FRAS1: variants seen among roughly 807,000 people sequenced by gnomAD.
FRAS1 encodes the protein extracellular matrix organizing protein FRAS1.
A neutral mutation model predicts 435.2 loss-of-function variants in FRAS1; 290 were observed. That is an observed-to-expected ratio of 0.67 (90% CI 0.61 to 0.73). The LOEUF is 0.73. Ranked by LOEUF, FRAS1 falls within the 30% of genes least tolerant of loss-of-function variation. The pLI is 0.00. For missense variants in FRAS1, 4,860 were observed against 5,001.5 expected (o/e 0.97, Z 0.85); for synonymous variants, 1,800 against 1,851.0 (o/e 0.97, Z 0.71).
chr4:78,259,527 G>A (rs925255817), intron 6 of FRAS1, among the ~76,000 whole-genome samples: 6 of 151,880 alleles, frequency 4.0e-5, no homozygotes, highest in African/African-American at 1.5e-4. Flanking sequence ...GTCTGTTCAT[G>A]TCCTTCGCTC....
At chr4:78,147,112 T>C (rs994985836) in intron 2 of FRAS1, among the ~76,000 whole-genome samples, 1 of 152,170 alleles carries the variant, frequency 6.6e-6, no homozygotes, top group African/African-American at 2.4e-5. Context: ...CCCTGTCTTA[T>C]ATTATGTGTT....
intron 2 of FRAS1, among the ~76,000 whole-genome samples, chr4:78,200,145 T>A (rs563725481): frequency 3.5e-4 from 53 of 152,348 alleles, no homozygotes; most frequent in African/African-American, 1.1e-3. Context: ...TGGAGTCATG[T>A]GGATCTGATA....
At chr4:78,103,592 G>A (rs1488192301) in intron 2 of FRAS1, among the ~76,000 whole-genome samples, 4 of 152,126 alleles carry the variant, frequency 2.6e-5, no homozygotes, top group African/African-American at 7.2e-5. Flanking sequence ...CTAAGGTAAC[G>A]GTTTTAGAAA....
intron 29 of FRAS1, among the ~76,000 whole-genome samples, chr4:78,395,235 A>C (rs1446695962): frequency 6.6e-6 from 1 of 151,930 alleles, no homozygotes; most frequent in East Asian, 1.9e-4. Flanking sequence ...ACTTGATATG[A>C]TTTCAGTGTT....
At chr4:78,191,463 A>G (rs1722528852) in intron 2 of FRAS1, among the ~76,000 whole-genome samples, 1 of 152,170 alleles carries the variant, frequency 6.6e-6, no homozygotes, top group Non-Finnish European at 1.5e-5. Context: ...AATATATTAC[A>G]GTAACGTGAA....
intron 49 of FRAS1, among the ~76,000 whole-genome samples, chr4:78,465,605 T>A (rs945751502): frequency 2.6e-5 from 4 of 152,110 alleles, no homozygotes; most frequent in African/African-American, 7.2e-5. Context: ...GTAGCAAAGG[T>A]GGCAAGAGGC....
At chr4:78,185,526 T>C (rs1722232905) in intron 2 of FRAS1, among the ~76,000 whole-genome samples, 1 of 152,202 alleles carries the variant, frequency 6.6e-6, no homozygotes, top group African/African-American at 2.4e-5. Context: ...TAGAGAAGAT[T>C]TGAATATGAG....
chr4:78,115,626 T>G lies in FRAS1; in HGVS notation c.108+49610T>G, dbSNP rs537567965. Among the ~76,000 whole-genome samples, 251 of 152,340 alleles carry G rather than the reference T, an allele frequency of 1.6e-3. 1 individual carries two copies. The highest frequency in any genetic ancestry group is 2.5e-3 in the Non-Finnish European group (167 of 68,028). On this transcript the variant is annotated intron_variant, in intron 2 of 73. Coordinates refer to ENST00000512123, the MANE Select transcript of FRAS1 (RefSeq NM_025074.7). ...TCTAGTTTGTTTGTGTAGAGGTGTT[T>G]ATAGTATTCTCTGATGGTAGTTTGT...
At chr4:78,274,071 A>G (rs1038460445) in intron 9 of FRAS1, among the ~76,000 whole-genome samples, 2 of 152,058 alleles carry the variant, frequency 1.3e-5, no homozygotes, top group Admixed American at 6.5e-5. Flanking sequence ...GAATTTATCC[A>G]TTTCCTTTAG....
chr4:78,320,952 G>A (rs1316565881), intron 18 of FRAS1, among the ~76,000 whole-genome samples: 1 of 152,182 alleles, frequency 6.6e-6, no homozygotes, highest in Non-Finnish European at 1.5e-5. Flanking sequence ...CATTGGTACA[G>A]TGCTCCCATG....
chr4:78,192,485 C>T (rs976126013), intron 2 of FRAS1, among the ~76,000 whole-genome samples: 2 of 152,148 alleles, frequency 1.3e-5, no homozygotes, highest in African/African-American at 4.8e-5. Context: ...TCAACTTCTT[C>T]CTGGTTTAGT....
intron 48 of FRAS1, 135 bp downstream of exon 48, chr4:78,464,280 C>T: frequency 7.3e-7 from 1 of 1,369,392 alleles, no homozygotes. Flanking sequence ...GGGGCAGCCT[C>T]TGTAGCCACC....
intron 1 of FRAS1, 84 bp from the exon 2 acceptor site, chr4:78,065,901 C>T (rs190039584): frequency 2.1e-6 from 2 of 967,748 alleles, no homozygotes; most frequent in Non-Finnish European, 3.3e-6. Context: ...CATATAGATG[C>T]AGTTTTAGCA....
rs71214392 is a variant in FRAS1 at position 78,058,103 on chromosome 4, C to CGT, written c.76+34_76+35dup. 8,269 of 1,505,032 alleles carry CGT rather than the reference C, an allele frequency of 5.5e-3. 2 individuals carry two copies. Among genetic ancestry groups the CGT allele is most frequent in the Non-Finnish European group, 6.1e-3 (6,633 of 1,094,302 alleles). 93.2% of individuals were successfully genotyped at this position (1,505,032 alleles called of 1,614,324 possible). On this transcript the variant is annotated intron_variant, in intron 1 of 73. Transcript: ENST00000512123. The stretch of plus-strand genomic sequence containing the variant: ...TTCCGAAGGTGAGAGAGCGGTGCCG[C>CGT]GTGTGTGTGTGTGTGTGCGTGTGCG...
chr4:78,296,708 C>T (rs1728161900), intron 14 of FRAS1, among the ~76,000 whole-genome samples: 1 of 152,226 alleles, frequency 6.6e-6, no homozygotes, highest in Admixed American at 6.5e-5. Context: ...TTCTTCCCTT[C>T]CCTTCCTTTC....
At chr4:78,457,326 C>A in intron 47 of FRAS1, among the ~76,000 whole-genome samples, 1 of 152,172 alleles carries the variant, frequency 6.6e-6, no homozygotes, top group East Asian at 1.9e-4. Context: ...CACAGGGGGG[C>A]AGTGGCAGGG....
At chr4:78,085,693 G>T (rs1185217526) in intron 2 of FRAS1, among the ~76,000 whole-genome samples, 1 of 152,206 alleles carries the variant, frequency 6.6e-6, no homozygotes, top group Admixed American at 6.5e-5. Context: ...ATTACATAAT[G>T]GTAAAGGGAT....
At chr4:78,482,562 A>G (rs1339895244) in intron 58 of FRAS1, 27 bp downstream of exon 58, 6 of 1,599,374 alleles carry the variant, frequency 3.8e-6, no homozygotes, top group Middle Eastern at 1.7e-4. Context: ...GCCAGCTGGT[A>G]GGTCCAAATA....
chr4:78,121,763 A>G (rs1719039062), intron 2 of FRAS1, among the ~76,000 whole-genome samples: 1 of 152,230 alleles, frequency 6.6e-6, no homozygotes, highest in Non-Finnish European at 1.5e-5. Flanking sequence ...AAAGCAGTGC[A>G]GAAGACTTGG....
Sources: gnomAD v4.1 joint callset for allele counts (sites outside exome capture counted in the v4.1 genomes callset) on GRCh38, gnomAD v4.1.1 for gene constraint, MANE v1.5 for transcripts, NCBI Gene and HGNC (gene_info 2026-07-23, HGNC 2026-07-21) for gene names.